The following RPS6KC1 variants were observed in gnomAD, a reference collection of about 807,000 sequenced individuals.
The protein encoded by RPS6KC1 is inactive ribosomal protein S6 kinase delta-1.
RPS6KC1 carries 54 observed loss-of-function variants against 103.8 expected under a neutral mutation model. The observed-to-expected ratio is 0.52, with a 90% CI of 0.42 to 0.65. The LOEUF (loss-of-function observed/expected upper bound fraction) is 0.65. Ranked by LOEUF, RPS6KC1 falls within the 30% of genes least tolerant of loss-of-function variation. The probability of loss-of-function intolerance (pLI) is 0.00; values close to 1 mark genes in which losing one functional copy is unlikely to be tolerated. For missense variants in RPS6KC1, 1,151 were observed against 1,253.8 expected, an observed-to-expected ratio of 0.92 and a Z score of 1.24; for synonymous variants, 439 against 438.7, an observed-to-expected ratio of 1.00 and a Z score of -0.01.
At chr1:213,380,566 C>T in the RPS6KC1 span, among the ~76,000 whole-genome samples, 14 of 151,950 alleles carry the variant, frequency 9.2e-5, no homozygotes, top group East Asian at 1.9e-3. Flanking sequence ...CACAGACACA[C>T]GCACGGTAAC....
At chr1:213,182,143 T>G (rs1398391441) in intron 8 of RPS6KC1, among the ~76,000 whole-genome samples, 2 of 152,184 alleles carry the variant, frequency 1.3e-5, no homozygotes, top group Non-Finnish European at 2.9e-5. Context: ...ATGAGTTATG[T>G]ATATATAATA....
the RPS6KC1 span, among the ~76,000 whole-genome samples, chr1:213,834,951 G>A: frequency 2.0e-5 from 3 of 152,186 alleles, no homozygotes; most frequent in African/African-American, 4.8e-5. Context: ...GTGCTGGGAG[G>A]TGGGGGAGAG....
chr1:213,799,319 T>C, the RPS6KC1 span, among the ~76,000 whole-genome samples: 1 of 152,168 alleles, frequency 6.6e-6, no homozygotes, highest in Non-Finnish European at 1.5e-5. Context: ...CCTTGGTTAA[T>C]GTGTTTTCGG....
chr1:213,149,984 C>T (rs1301773291), intron 6 of RPS6KC1, among the ~76,000 whole-genome samples: 1 of 151,854 alleles, frequency 6.6e-6, no homozygotes, highest in East Asian at 1.9e-4. Flanking sequence ...TTTTAGTTTC[C>T]ATTGGTGTGG....
At chr1:213,733,528 C>T in the RPS6KC1 span, among the ~76,000 whole-genome samples, 97 of 149,880 alleles carry the variant, frequency 6.5e-4, no homozygotes, top group Non-Finnish European at 1.2e-3. Context: ...TGAGCCACTA[C>T]ACCTGGCTAT....
At chr1:213,536,284 C>A in the RPS6KC1 span, among the ~76,000 whole-genome samples, 3 of 152,086 alleles carry the variant, frequency 2.0e-5, no homozygotes, top group African/African-American at 7.2e-5. Context: ...TAACAGCTCC[C>A]CTTTTGAAGG....
chr1:213,485,799 G>A, the RPS6KC1 span, among the ~76,000 whole-genome samples: 3 of 152,322 alleles, frequency 2.0e-5, no homozygotes, highest in Admixed American at 2.0e-4. Flanking sequence ...AATAGCAGAT[G>A]TGTGTGCTAA....
the RPS6KC1 span, among the ~76,000 whole-genome samples, chr1:213,435,877 A>G: frequency 6.6e-6 from 1 of 151,792 alleles, no homozygotes; most frequent in Non-Finnish European, 1.5e-5. Context: ...TTTCCTGCCA[A>G]CCCTAGCAGC....
the RPS6KC1 span, among the ~76,000 whole-genome samples, chr1:213,785,051 C>G: frequency 6.6e-6 from 1 of 152,188 alleles, no homozygotes; most frequent in South Asian, 2.1e-4. Flanking sequence ...GTGCCTTGCT[C>G]TGATGTGTCA....
the RPS6KC1 span, among the ~76,000 whole-genome samples, chr1:213,852,723 T>C: frequency 6.6e-6 from 1 of 152,138 alleles, no homozygotes; most frequent in Admixed American, 6.5e-5. Flanking sequence ...TAGCTCCCAA[T>C]GAACACACAC....
At chr1:213,537,842 C>A in the RPS6KC1 span, among the ~76,000 whole-genome samples, 1 of 152,182 alleles carries the variant, frequency 6.6e-6, no homozygotes, top group Non-Finnish European at 1.5e-5. Context: ...TGATGACCTG[C>A]AAATGAGGTT....
At chr1:213,532,187 G>A in the RPS6KC1 span, among the ~76,000 whole-genome samples, 9 of 152,136 alleles carry the variant, frequency 5.9e-5, no homozygotes, top group African/African-American at 1.2e-4. Context: ...AACTTGGAGC[G>A]GGCACCAAGC....
At chr1:213,817,872 A>T in the RPS6KC1 span, 1 of 151,914 alleles carries the variant, frequency 6.6e-6, no homozygotes, top group East Asian at 1.9e-4. Context: ...TTCTAACGGC[A>T]TGTGCTCGCT....
At chr1:213,405,314 G>A in the RPS6KC1 span, among the ~76,000 whole-genome samples, 1 of 152,234 alleles carries the variant, frequency 6.6e-6, no homozygotes, top group Non-Finnish European at 1.5e-5. Flanking sequence ...CGCTGAACCT[G>A]TAATCAGCAA....
At chr1:213,287,203 CGTGA>C in the RPS6KC1 span, among the ~76,000 whole-genome samples, 2 of 151,344 alleles carry the variant, frequency 1.3e-5, no homozygotes, top group South Asian at 4.2e-4. Context: ...GGTTGGGGCA[CGTGA>C]AGGAACTTCT....
At chr1:213,216,329 A>T (rs971217969) in intron 8 of RPS6KC1, among the ~76,000 whole-genome samples, 1 of 152,224 alleles carries the variant, frequency 6.6e-6, no homozygotes, top group Non-Finnish European at 1.5e-5. Flanking sequence ...AACTATCTTA[A>T]ATATATATGC....
At chr1:213,449,462 G>T in the RPS6KC1 span, among the ~76,000 whole-genome samples, 1 of 152,110 alleles carries the variant, frequency 6.6e-6, no homozygotes. Context: ...TCCTCATGCG[G>T]CCTTCCTTTT....
intron 12 of RPS6KC1, among the ~76,000 whole-genome samples, chr1:213,259,191 A>AAGTAT: frequency 1.3e-5 from 2 of 152,236 alleles, no homozygotes; most frequent in Admixed American, 1.3e-4. Flanking sequence ...AACAAGCCTG[A>AAGTAT]ATGTTTTCAT....
At chr1:213,314,832 A>AT in the RPS6KC1 span, among the ~76,000 whole-genome samples, 200 of 152,040 alleles carry the variant, frequency 1.3e-3, 1 homozygote, top group African/African-American at 4.4e-3. Flanking sequence ...AATAAGAGGG[A>AT]TTTTTTTTAA....
Sources: gnomAD v4.1 joint callset for allele counts (sites outside exome capture counted in the v4.1 genomes callset) on GRCh38, gnomAD v4.1.1 for gene constraint, MANE v1.5 for transcripts, NCBI Gene and HGNC (gene_info 2026-07-23, HGNC 2026-07-21) for gene names.